Variants in MICAL3 observed in about 807,000 individuals in gnomAD.
The protein encoded by MICAL3 is [F-actin]-monooxygenase MICAL3.
In MICAL3, 62 loss-of-function variants were observed where a neutral mutation model predicts 207.4. That is an observed-to-expected ratio of 0.30 (90% CI 0.24 to 0.37). The LOEUF (loss-of-function observed/expected upper bound fraction) is 0.37. MICAL3 is among the 10% of genes least tolerant of loss of function. The pLI is 1.00. For synonymous variants in MICAL3, 1,077 were observed against 1,069.3 expected, an observed-to-expected ratio of 1.01 and a Z score of -0.14; for missense variants, 2,368 against 2,635.6, an observed-to-expected ratio of 0.90 and a Z score of 2.22.
At chr22:17,945,465 C>T (rs969460580) in intron 1 of MICAL3, among the ~76,000 whole-genome samples, 1 of 152,156 alleles carries the variant, frequency 6.6e-6, no homozygotes, top group African/African-American at 2.4e-5. Context: ...GGAGAGGCAC[C>T]TCAAAGAAAA....
At chr22:17,992,644 AG>A (rs2146465868) in intron 1 of MICAL3, among the ~76,000 whole-genome samples, 1 of 152,264 alleles carries the variant, frequency 6.6e-6, no homozygotes, top group South Asian at 2.1e-4. Context: ...GTTGAGGCCC[AG>A]GGGCTTGTTT....
intron 5 of MICAL3, 122 bp downstream of exon 5, chr22:17,901,756 A>G: frequency 1.6e-6 from 1 of 627,284 alleles, no homozygotes; most frequent in African/African-American, 1.8e-5. Flanking sequence ...CCATCAGGGC[A>G]GGAAGCACAC....
intron 19 of MICAL3, among the ~76,000 whole-genome samples, chr22:17,851,184 G>A (rs1042626054): frequency 1.1e-4 from 16 of 152,186 alleles, no homozygotes; most frequent in African/African-American, 1.9e-4. Context: ...GTTCAAATAC[G>A]TGGCTCGTGA....
intron 1 of MICAL3, among the ~76,000 whole-genome samples, chr22:18,002,328 T>C (rs1053059286): frequency 2.0e-5 from 3 of 151,872 alleles, no homozygotes; most frequent in African/African-American, 7.3e-5. Flanking sequence ...AGGAGGGCGC[T>C]AAGAGAAAAT....
At chr22:17,827,529 C>T in intron 22 of MICAL3, 115 bp downstream of exon 22, 1 of 1,154,168 alleles carries the variant, frequency 8.7e-7, no homozygotes, top group Non-Finnish European at 1.2e-6. Context: ...GCGCCTGGCT[C>T]CCGTGTGTGA....
intron 1 of MICAL3, among the ~76,000 whole-genome samples, chr22:17,995,306 A>T (rs1402744156): frequency 6.6e-6 from 1 of 151,574 alleles, no homozygotes; most frequent in African/African-American, 2.4e-5. Flanking sequence ...CCTTCTGAGC[A>T]GCTGCGACTA....
chr22:17,799,345 G>A (rs2061912571), intron 29 of MICAL3, among the ~76,000 whole-genome samples: 1 of 152,206 alleles, frequency 6.6e-6, no homozygotes, highest in African/African-American at 2.4e-5. Flanking sequence ...TGGCGCCACT[G>A]GGTGGGTTCC....
At chr22:18,000,862 C>T (rs551434542) in intron 1 of MICAL3, among the ~76,000 whole-genome samples, 36 of 152,290 alleles carry the variant, frequency 2.4e-4, no homozygotes, top group African/African-American at 8.4e-4. Flanking sequence ...GGCAGCGGGA[C>T]GGGGAGGCCC....
intron 16 of MICAL3, chr22:17,881,225 G>A (rs201033965): frequency 7.6e-5 from 123 of 1,612,726 alleles, no homozygotes; most frequent in Non-Finnish European, 9.6e-5. Context: ...CCATGTGCCC[G>A]ACAGGGAGGT....
chr22:18,019,806 A>ATTT (rs34107345), intron 1 of MICAL3: 876 of 77,856 alleles, frequency 0.011, 85 homozygotes, highest in African/African-American at 0.022. Flanking sequence ...AATGCTGCTG[A>ATTT]TTTTTTTTTT....
chr22:17,917,661 C>T (rs1347801921), intron 1 of MICAL3, among the ~76,000 whole-genome samples: 5 of 152,182 alleles, frequency 3.3e-5, no homozygotes, highest in Admixed American at 2.6e-4. Flanking sequence ...ATCCTGCCAC[C>T]CTCCCCAACA....
rs1186930117 is a variant in MICAL3 at position 17,832,112 on chromosome 22, G to A, written c.2802-5C>T. 3 of 1,563,582 alleles carry A rather than the reference G, an allele frequency of 1.9e-6. No homozygotes were observed. Among genetic ancestry groups the A allele is most frequent in the South Asian group, 1.2e-5 (1 of 84,954 alleles). On this transcript the variant is annotated splice_region_variant and splice_polypyrimidine_tract_variant and intron_variant, in intron 20 of 31. Transcript: ENST00000441493. ...TCCATCTCAGACTCGGAACTACTGT[G>A]AGGAAATAACCACATAGCCAGAGTG...
chr22:17,857,831 C>T (rs908533712), intron 19 of MICAL3, among the ~76,000 whole-genome samples: 6 of 152,204 alleles, frequency 3.9e-5, no homozygotes, highest in Admixed American at 6.5e-5. Context: ...CCGTTTTAGG[C>T]ACATTCTGCC....
At chr22:17,860,451 C>T (rs1926398201) in intron 19 of MICAL3, 4 of 985,452 alleles carry the variant, frequency 4.1e-6, no homozygotes, top group Non-Finnish European at 3.6e-6. Flanking sequence ...GCTGGCTGTC[C>T]GCCCCTCCCG....
At chr22:17,825,953 G>C (rs1027304260) in intron 22 of MICAL3, among the ~76,000 whole-genome samples, 1 of 152,078 alleles carries the variant, frequency 6.6e-6, no homozygotes, top group Non-Finnish European at 1.5e-5. Context: ...GTCACCCCTG[G>C]TCACACCCAG....
chr22:17,944,458 C>T (rs185902481), intron 1 of MICAL3, among the ~76,000 whole-genome samples: 84 of 152,228 alleles, frequency 5.5e-4, no homozygotes, highest in African/African-American at 1.9e-3. Flanking sequence ...TGTGATCTCC[C>T]GCCTGTTCAA....
chr22:17,959,095 A>T (rs948562950), intron 1 of MICAL3, among the ~76,000 whole-genome samples: 1 of 140,782 alleles, frequency 7.1e-6, no homozygotes, highest in African/African-American at 2.7e-5. Flanking sequence ...GGCTCACTAC[A>T]AGCTCCGCCT....
intron 20 of MICAL3, chr22:17,839,985 T>C (rs1923844362): frequency 6.8e-6 from 1 of 148,022 alleles, no homozygotes; most frequent in African/African-American, 2.5e-5. Context: ...GGCTGGAGTG[T>C]ACTGGTGTGA....
At chr22:17,809,776 G>A (rs543951909) in intron 28 of MICAL3, among the ~76,000 whole-genome samples, 1 of 152,348 alleles carries the variant, frequency 6.6e-6, no homozygotes, top group South Asian at 2.1e-4. Context: ...CAGAGGCTGA[G>A]GGGCCACAAA....
Sources: allele counts gnomAD v4.1 joint callset (sites outside exome capture counted in the v4.1 genomes callset), GRCh38; gene constraint gnomAD v4.1.1; transcripts MANE v1.5; gene names NCBI Gene and HGNC (gene_info 2026-07-23, HGNC 2026-07-21).